ACSBG1: variants seen among roughly 807,000 people sequenced by gnomAD.
ACSBG1 encodes acyl-CoA synthetase bubblegum family member 1.
ACSBG1 carries 39 observed loss-of-function variants against 80.2 expected under a neutral mutation model. That is an observed-to-expected ratio of 0.49 (90% CI 0.38 to 0.64). The LOEUF (loss-of-function observed/expected upper bound fraction) is 0.64, where lower values mean the gene tolerates loss of function less well. ACSBG1 is among the 30% of genes least tolerant of loss of function. The pLI is 0.00. For missense variants in ACSBG1, 828 were observed against 966.4 expected (o/e 0.86, Z 1.90); for synonymous variants, 392 against 379.5 (o/e 1.03, Z -0.38).
At chr15:78,208,250 G>T in intron 1 of ACSBG1, 148 bp from the exon 2 acceptor site, 1 of 668,602 alleles carries the variant, frequency 1.5e-6, no homozygotes, top group Non-Finnish European at 2.7e-6. Flanking sequence ...CATCCACAGA[G>T]GAGAACCCAG....
At chr15:78,223,542 A>G (rs554069850) in intron 1 of ACSBG1, among the ~76,000 whole-genome samples, 16 of 152,200 alleles carry the variant, frequency 1.1e-4, no homozygotes, top group Non-Finnish European at 2.1e-4. Context: ...AGACTTTGAC[A>G]AGTCCCTAGC....
At chr15:78,182,218 CTGGGGGCCAGCCCCAGTG>C (rs2074953464) in intron 7 of ACSBG1, 73 bp from the exon 8 acceptor site, 1 of 1,539,588 alleles carries the variant, frequency 6.5e-7, no homozygotes, top group African/African-American at 1.4e-5. Flanking sequence ...TGTGGCCACC[CTGGGGGCCAGCCCCAGTG>C]TGGTGCCCCC....
intron 1 of ACSBG1, among the ~76,000 whole-genome samples, chr15:78,232,158 T>C (rs2075451832): frequency 6.6e-6 from 1 of 152,226 alleles, no homozygotes; most frequent in African/African-American, 2.4e-5. Flanking sequence ...AACATTTTCA[T>C]ACACATTAGC....
rs549268613 is a variant in ACSBG1 at position 78,212,754 on chromosome 15, CGCT to C, written c.132-4655_132-4653del. 320 of 336,082 alleles carry C rather than the reference CGCT, an allele frequency of 9.5e-4. 6 individuals are homozygous for C. The highest frequency in any genetic ancestry group is 7.1e-3 in the South Asian group (314 of 44,358). The allele number at this position is 336,082 out of a possible 1,614,324, so 20.8% of individuals were successfully genotyped here. A position where few individuals can be genotyped will look rare whatever the true frequency, so the allele number is the denominator to read the frequency against. ...GCAACAGAGATACAGCGTGAGTCACCGCTGGCAGCCTGGCTGGGCGAGGGGACA... is the reference window on the plus strand; with the variant it reads ...GCAACAGAGATACAGCGTGAGTCACCGGCAGCCTGGCTGGGCGAGGGGACA... On this transcript the variant is annotated intron_variant, in intron 1 of 13. Transcript: ENST00000258873.
At position 78,208,042 on chromosome 15, in the gene ACSBG1, T is replaced by C. The variant is rs2075232545; in HGVS notation, c.192A>G (p.Ser64=). The C allele has an allele frequency of 6.3e-7, 1 of 1,593,846 alleles. No individual in the cohort carries two copies. Among genetic ancestry groups the C allele is most frequent in the Non-Finnish European group, 8.6e-7 (1 of 1,167,094 alleles). ...KESLNHALEL[S]VPEKVNNAQW... ...GGGCATTATTCACCTTCTCTGGCAC[T>C]GAGAGCTCGAGAGCATGGTTCAGGG... The change falls in exon 2 of 14, where the codon TCA becomes TCG. Residue 64 remains serine, a synonymous_variant. Transcript: ENST00000258873.
Position 78,171,397 on chromosome 15 carries a change from G to A in ACSBG1, c.*47C>T, listed in dbSNP as rs199991915. On this transcript the variant is annotated 3_prime_UTR_variant, in exon 14 of 14. Transcript: ENST00000258873. ...AGACCTGGGGCTCAGGAAGAGGCTCGGAACGCCTGCCCTCTATTCTATAGA... is the reference window on the plus strand; with the variant it reads ...AGACCTGGGGCTCAGGAAGAGGCTCAGAACGCCTGCCCTCTATTCTATAGA... 4.7e-4 allele frequency: 714 copies of A among 1,533,968 alleles called. No individual in the cohort carries two copies. Among genetic ancestry groups the A allele is most frequent in the African/African-American group, 8.5e-4 (62 of 72,974 alleles).
chr15:78,200,049 G>C (rs780041585), intron 2 of ACSBG1, among the ~76,000 whole-genome samples: 1 of 152,158 alleles, frequency 6.6e-6, no homozygotes, highest in Non-Finnish European at 1.5e-5. Flanking sequence ...CAAGAGAAAA[G>C]AGTGTTTAAA....
chr15:78,181,841 GCTGACAGAATT>G (rs1595882672), intron 8 of ACSBG1, 117 bp downstream of exon 8: 1 of 1,266,088 alleles, frequency 7.9e-7, no homozygotes, highest in East Asian at 2.4e-5. Flanking sequence ...GCCCACTGCA[GCTGACAGAATT>G]CTGACTGATA....
intron 1 of ACSBG1, among the ~76,000 whole-genome samples, chr15:78,209,423 G>T (rs1595897014): frequency 6.6e-6 from 1 of 152,206 alleles, no homozygotes; most frequent in Admixed American, 6.5e-5. Flanking sequence ...CTCCAGGGAG[G>T]TTGTGGAAAA....
intron 5 of ACSBG1, among the ~76,000 whole-genome samples, chr15:78,183,472 G>A (rs913217535): frequency 2.6e-5 from 4 of 152,154 alleles, no homozygotes; most frequent in Admixed American, 6.5e-5. Context: ...AGCTACTCGG[G>A]AGACTGAGGC....
At chr15:78,175,880 G>A (rs2074876920) in intron 11 of ACSBG1, among the ~76,000 whole-genome samples, 1 of 152,004 alleles carries the variant, frequency 6.6e-6, no homozygotes. Flanking sequence ...CCCAAAATAT[G>A]CCTCATCATT....
rs991982471 is a variant in ACSBG1 at position 78,183,026 on chromosome 15, A to G, written c.664-241T>C. The stretch of plus-strand genomic sequence containing the variant: ...GACTCCCCATTGAAGGAAAACCACC[A>G]AACAAGCTGGGGCTTGGTTGAACAA... On this transcript the variant is annotated intron_variant, in intron 5 of 13. Coordinates refer to ENST00000258873, the MANE Select transcript of ACSBG1 (RefSeq NM_015162.5). 3 of 571,584 alleles carry G rather than the reference A, an allele frequency of 5.2e-6. No homozygotes were observed. In the African/African-American group the frequency reaches 5.6e-5, roughly 11 times the overall value. 35.4% of individuals were successfully genotyped at this position (571,584 alleles called of 1,614,324 possible).
chr15:78,223,425 C>T (rs1339590434), intron 1 of ACSBG1, among the ~76,000 whole-genome samples: 4 of 151,946 alleles, frequency 2.6e-5, no homozygotes, highest in Non-Finnish European at 4.4e-5. Flanking sequence ...GCACATGTAC[C>T]ACAAAACCAA....
rs528817129 is a variant in ACSBG1 at position 78,229,957 on chromosome 15, G to A, written c.131+4414C>T. 6.4e-4 allele frequency among the ~76,000 whole-genome samples: 98 copies of A among 152,296 alleles called. No homozygotes were observed. The South Asian group carries it at 0.02, about 31-fold the overall frequency. ...GTAACATCTTCACAATCATGCCTTTGGTCAGCACAGCGCCCTGCTTGCCAT... is the reference window on the plus strand; with the variant it reads ...GTAACATCTTCACAATCATGCCTTTAGTCAGCACAGCGCCCTGCTTGCCAT... On this transcript the variant is annotated intron_variant, in intron 1 of 13. Transcript: ENST00000258873.
At chr15:78,173,083 C>T (rs924652589) in intron 13 of ACSBG1, among the ~76,000 whole-genome samples, 2 of 152,190 alleles carry the variant, frequency 1.3e-5, no homozygotes, top group African/African-American at 2.4e-5. Context: ...CAGTGGCTCA[C>T]GCCTGTAATC....
intron 8 of ACSBG1, among the ~76,000 whole-genome samples, chr15:78,181,489 C>CTTTTTTT (rs71145901): frequency 1.9e-4 from 16 of 83,042 alleles, no homozygotes; most frequent in South Asian, 4.7e-4. Context: ...CATCAGGTTT[C>CTTTTTTT]TTTTTTTTTT....
intron 2 of ACSBG1, among the ~76,000 whole-genome samples, chr15:78,205,291 T>C (rs915055126): frequency 2.0e-5 from 3 of 152,146 alleles, no homozygotes; most frequent in Admixed American, 6.5e-5. Context: ...GAGCTCAGCC[T>C]GGGGACCAGA....
intron 5 of ACSBG1, 88 bp downstream of exon 5, chr15:78,193,418 G>A: frequency 6.6e-7 from 1 of 1,522,594 alleles, no homozygotes; most frequent in South Asian, 1.3e-5. Context: ...ACTCTGGATG[G>A]AGGGCGGGAA....
chr15:78,202,814 A>G (rs527847525), intron 2 of ACSBG1, among the ~76,000 whole-genome samples: 1 of 152,304 alleles, frequency 6.6e-6, no homozygotes, highest in East Asian at 1.9e-4. Flanking sequence ...AAGTTACTCA[A>G]GGGAAGCAAT....
Sources: gnomAD v4.1 joint callset for allele counts (sites outside exome capture counted in the v4.1 genomes callset) on GRCh38, gnomAD v4.1.1 for gene constraint, MANE v1.5 for transcripts, NCBI Gene and HGNC (gene_info 2026-07-23, HGNC 2026-07-21) for gene names.